Variants in TEX2 observed in about 807,000 individuals in gnomAD.
The protein encoded by TEX2 is testis expressed 2, also known as testis-expressed protein 2.
Under a neutral mutation model 106.9 loss-of-function variants are expected in TEX2, and 53 were observed. That is an observed-to-expected ratio of 0.50 (90% CI 0.40 to 0.62). The LOEUF (loss-of-function observed/expected upper bound fraction) is 0.62. Among genes scored for constraint, TEX2 ranks in the 20% least tolerant of loss-of-function variants. The probability of loss-of-function intolerance (pLI) is 0.00; values close to 1 mark genes in which losing one functional copy is unlikely to be tolerated. For synonymous variants in TEX2, 523 were observed against 534.8 expected (o/e 0.98, Z 0.30); for missense variants, 1,207 against 1,379.0 (o/e 0.88, Z 1.98).
intron 4 of TEX2, among the ~76,000 whole-genome samples, chr17:64,190,621 CCT>C (rs1352561800): frequency 3.9e-5 from 6 of 152,108 alleles, no homozygotes; most frequent in African/African-American, 1.4e-4. Context: ...GACAATAGCC[CCT>C]GATAAAGTCA....
At chr17:64,218,246 C>G (rs2177740) in intron 1 of TEX2, among the ~76,000 whole-genome samples, 1 of 151,224 alleles carries the variant, frequency 6.6e-6, no homozygotes, top group Non-Finnish European at 1.5e-5. Flanking sequence ...ACTCTGACTC[C>G]AGAAAAAAAA....
At chr17:64,152,777 A>G (rs2030417852) in intron 10 of TEX2, among the ~76,000 whole-genome samples, 168 bp downstream of exon 10, 1 of 152,244 alleles carries the variant, frequency 6.6e-6, no homozygotes, top group African/African-American at 2.4e-5. Context: ...CTCACAGAAG[A>G]AAGTACCATC....
rs540400015 is a variant in TEX2 at position 64,168,880 on chromosome 17, T to C, written c.2671+2220A>G. ...ATGGAGTGAAGATGCTAGCTAGCTATGCAGTGAACACATAGATGGTGCTTT... is the reference window on the plus strand; with the variant it reads ...ATGGAGTGAAGATGCTAGCTAGCTACGCAGTGAACACATAGATGGTGCTTT... On this transcript the variant is annotated intron_variant, in intron 7 of 11. Coordinates refer to ENST00000584379, the MANE Select transcript of TEX2 (RefSeq NM_001288732.2). Among the ~76,000 whole-genome samples, 14 of 139,980 alleles carry C rather than the reference T, an allele frequency of 1.0e-4. 1 individual carries two copies. The South Asian group carries it at 3.0e-3, about 30-fold the overall frequency. 91.8% of individuals were successfully genotyped at this position (139,980 alleles called of 152,430 possible).
intron 6 of TEX2, among the ~76,000 whole-genome samples, chr17:64,172,137 G>A (rs528769101): frequency 4.3e-4 from 65 of 152,102 alleles, no homozygotes; most frequent in South Asian, 3.5e-3. Flanking sequence ...GGCGGATCAC[G>A]AGGTCAAGAG....
In TEX2 at chr17:64,153,220, G is replaced by A. The variant is rs902942306; in HGVS notation, c.2931-66C>T. 2 of 1,122,532 alleles carry A rather than the reference G, an allele frequency of 1.8e-6. No homozygotes were observed. The highest frequency in any genetic ancestry group is 2.0e-5 in the Admixed American group (1 of 49,288). 69.5% of individuals were successfully genotyped at this position (1,122,532 alleles called of 1,614,324 possible). On this transcript the variant is annotated intron_variant, in intron 9 of 11. Transcript: ENST00000584379. This position sits in a 1 kb window ranked among gnomAD's most constrained non-coding sequence, Gnocchi z 4.1. ...GCTCTTTTCACAGACAAAAACCTGTGGCTCTTCGTTCCCCTTACTTTAGAG... is the reference window on the plus strand; with the variant it reads ...GCTCTTTTCACAGACAAAAACCTGTAGCTCTTCGTTCCCCTTACTTTAGAG...
intron 1 of TEX2, among the ~76,000 whole-genome samples, chr17:64,262,923 G>C (rs1307175314): frequency 6.6e-6 from 1 of 152,146 alleles, no homozygotes; most frequent in Non-Finnish European, 1.5e-5. Context: ...AGCTCCTCCC[G>C]CCGGAGTCGA....
chr17:64,239,028 T>C (rs1555635438), intron 1 of TEX2: 2 of 152,200 alleles, frequency 1.3e-5, no homozygotes, highest in Non-Finnish European at 2.9e-5. Flanking sequence ...CATGGCCCTA[T>C]GAGGCAAGAA....
intron 1 of TEX2, among the ~76,000 whole-genome samples, chr17:64,262,290 G>A (rs946722034): frequency 1.3e-5 from 2 of 152,224 alleles, no homozygotes; most frequent in Non-Finnish European, 2.9e-5. Flanking sequence ...TCTGGAGAAA[G>A]AGCGAGGGTG....
chr17:64,212,497 C>CA, intron 2 of TEX2, 77 bp downstream of exon 2: 2 of 1,391,932 alleles, frequency 1.4e-6, no homozygotes, highest in East Asian at 2.3e-5. Flanking sequence ...AACAGCTAAC[C>CA]AAAAAACAAG....
chr17:64,240,228 T>C (rs1483207509), intron 1 of TEX2, among the ~76,000 whole-genome samples: 2 of 142,500 alleles, frequency 1.4e-5, no homozygotes, highest in Non-Finnish European at 3.0e-5. Flanking sequence ...TATGTGTATA[T>C]GCAGATGTGT....
chr17:64,255,669 G>T (rs2034170403), intron 1 of TEX2: 1 of 152,114 alleles, frequency 6.6e-6, no homozygotes, highest in Non-Finnish European at 1.5e-5. Flanking sequence ...CTTAAATATG[G>T]CTGGGTTCAT....
intron 7 of TEX2, among the ~76,000 whole-genome samples, chr17:64,163,020 G>A (rs148885218): frequency 3.9e-5 from 6 of 152,282 alleles, no homozygotes; most frequent in African/African-American, 1.4e-4. Flanking sequence ...CTCTGCCTGG[G>A]TGAGGGGTCT....
chr17:64,202,833 G>A (rs1555630243), intron 2 of TEX2, among the ~76,000 whole-genome samples: 1 of 152,198 alleles, frequency 6.6e-6, no homozygotes, highest in Non-Finnish European at 1.5e-5. Flanking sequence ...TCTTTCTGAA[G>A]CTAGAGCTGT....
At position 64,212,721 on chromosome 17, in the gene TEX2, A is replaced by T; in HGVS notation, c.1497T>A (p.Phe499Leu). Residue 499 changes from phenylalanine to leucine, a missense_variant, in exon 2 of 12, where the codon TTT becomes TTA. By Grantham distance (22) the Phe-to-Leu change is conservative (BLOSUM62 0). Coordinates refer to ENST00000584379, the MANE Select transcript of TEX2 (RefSeq NM_001288732.2). ...TCATGAATCCAAGGCCAATTCCCAG[A>T]AAGAGTCCACTCACATAGTGGGGGA... Reference protein sequence around the residue: ...LPLPHYVSGLFLGIGLGFMTA... With the variant: ...LPLPHYVSGLLLGIGLGFMTA... The T allele has an allele frequency of 6.2e-7, 1 of 1,614,176 alleles. No homozygotes were observed. Among genetic ancestry groups the T allele is most frequent in the East Asian group, 2.2e-5 (1 of 44,884 alleles).
Position 64,213,111 on chromosome 17 carries a change from G to A in TEX2, c.1107C>T (p.His369=), listed in dbSNP as rs782582965. The change falls in exon 2 of 12, where the codon CAC becomes CAT. Residue 369 remains histidine (H), a synonymous_variant. Transcript: ENST00000584379. This position sits in a 1 kb window ranked among gnomAD's most constrained non-coding sequence, Gnocchi z 4.4. ...GSDSNIPRSD[H]PKSTGEPTRE... is the part of the protein sequence containing the mutation. ...TTGTGGGCTCACCAGTGGACTTTGG[G>A]TGGTCACTTCTGGGGATGTTGGAAT... 2 of 1,614,158 alleles carry A rather than the reference G, an allele frequency of 1.2e-6. No homozygotes were observed. The highest frequency in any genetic ancestry group is 2.2e-5 in the South Asian group (2 of 91,072).
chr17:64,218,248 GA>G (rs1284034304), intron 1 of TEX2, among the ~76,000 whole-genome samples: 7 of 146,234 alleles, frequency 4.8e-5, no homozygotes, highest in East Asian at 2.0e-4. Context: ...TCTGACTCCA[GA>G]AAAAAAAAAG....
At chr17:64,204,792 A>G (rs1054520327) in intron 2 of TEX2, among the ~76,000 whole-genome samples, 1 of 152,146 alleles carries the variant, frequency 6.6e-6, no homozygotes, top group South Asian at 2.1e-4. Context: ...CTTTTCTTAC[A>G]GAGTTCAGAA....
At position 64,195,526 on chromosome 17, in the gene TEX2, A is replaced by G. The variant is rs933463736; in HGVS notation, c.1645-431T>C. Among the ~76,000 whole-genome samples the G allele has an allele frequency of 5.9e-5, 9 of 152,194 alleles. No homozygotes were observed. The highest frequency in any genetic ancestry group is 5.9e-4 in the Admixed American group (9 of 15,282). ...AGTTGGAATCTTTGAAATTTCAGGTATTAATTCATGTTATCACAGGACTCA... is the reference window on the plus strand; with the variant it reads ...AGTTGGAATCTTTGAAATTTCAGGTGTTAATTCATGTTATCACAGGACTCA... On this transcript the variant is annotated intron_variant, in intron 2 of 11. Coordinates refer to ENST00000584379, the MANE Select transcript of TEX2 (RefSeq NM_001288732.2). This position sits in a 1 kb window ranked among gnomAD's most constrained non-coding sequence, Gnocchi z 4.1.
chr17:64,151,042 A>G, intron 10 of TEX2, 81 bp from the exon 11 acceptor site: 1 of 1,475,004 alleles, frequency 6.8e-7, no homozygotes, highest in Non-Finnish European at 9.3e-7. Flanking sequence ...GTTCTCATTT[A>G]CATGGGGCTT....
Sources: gnomAD v4.1 joint callset for allele counts (sites outside exome capture counted in the v4.1 genomes callset) on GRCh38, gnomAD v4.1.1 for gene constraint, Gnocchi (gnomAD v3.1) non-coding constraint, MANE v1.5 for transcripts, NCBI Gene and HGNC (gene_info 2026-07-23, HGNC 2026-07-21) for gene names.